Variants in RAB24 observed in about 807,000 individuals in gnomAD.
The protein encoded by RAB24 is ras-related protein Rab-24.
In RAB24, 9 loss-of-function variants were observed where a neutral mutation model predicts 31.4. The ratio of observed to expected loss-of-function variants is 0.29; its 90% confidence interval spans 0.17 to 0.50. The LOEUF (loss-of-function observed/expected upper bound fraction) is 0.50, where lower values mean the gene tolerates loss of function less well. Ranked by LOEUF, RAB24 falls within the 20% of genes least tolerant of loss-of-function variation. RAB24 has a pLI of 0.98. For synonymous variants in RAB24, 106 were observed against 94.1 expected (o/e 1.13, Z -0.73); for missense variants, 197 against 265.2 (o/e 0.74, Z 1.79).
intron 5 of RAB24, 70 bp from the exon 6 acceptor site, chr5:177,302,248 T>G: frequency 6.3e-7 from 1 of 1,588,956 alleles, no homozygotes; most frequent in Non-Finnish European, 8.6e-7. Flanking sequence ...GGGCTAGCAG[T>G]TCAGGGAGTC....
In RAB24 at chr5:177,303,153, C is replaced by T. The variant is rs368575747; in HGVS notation, c.117+19G>A. 6.2e-7 allele frequency: 1 copy of T among 1,613,326 alleles called. No homozygotes were observed. Among genetic ancestry groups the T allele is most frequent in the Non-Finnish European group, 8.5e-7 (1 of 1,179,718 alleles). On this transcript the variant is annotated intron_variant, in intron 1 of 7. Coordinates refer to ENST00000303251, the MANE Select transcript of RAB24 (RefSeq NM_001031677.4). The surrounding 1 kb of genome is among the most constrained non-coding windows in gnomAD (Gnocchi z 6.1). ...CCACTCCCCCGCCCACCGTGCCTGG[C>T]CCCTCCGGATGCACTCACGTTCTGA... is the stretch of plus-strand genomic sequence containing the variant.
Position 177,303,443 on chromosome 5 carries a change from G to A in RAB24, c.-155C>T. The A allele has an allele frequency of 1.5e-6, 1 of 686,870 alleles. No individual in the cohort carries two copies. Among genetic ancestry groups the A allele is most frequent in the Non-Finnish European group, 2.5e-6 (1 of 406,998 alleles). 42.5% of individuals were successfully genotyped at this position (686,870 alleles called of 1,614,324 possible). On this transcript the variant is annotated 5_prime_UTR_variant, in exon 1 of 8. Transcript: ENST00000303251. The surrounding 1 kb of genome is among the most constrained non-coding windows in gnomAD (Gnocchi z 6.1). ...GACAGCGCGTCGGGCTCGAGCTCTG[G>A]CCGTGGCCTTGCACTTCGGCAGCGC...
At chr5:177,302,975 G>C in intron 2 of RAB24, 34 bp downstream of exon 2, 1 of 1,608,426 alleles carries the variant, frequency 6.2e-7, no homozygotes, top group Non-Finnish European at 8.5e-7. Context: ...CCTCAGGAAT[G>C]AGTCTCCCAA....
chr5:177,301,832 C>T (rs1756547494), intron 7 of RAB24, 25 bp from the exon 8 acceptor site: 2 of 1,614,098 alleles, frequency 1.2e-6, no homozygotes, highest in East Asian at 4.5e-5. Context: ...GGTGGCAGCT[C>T]AGCACCATTC....
Position 177,301,483 on chromosome 5 carries a change from A to G in RAB24, c.*260T>C, listed in dbSNP as rs1426186380. On this transcript the variant is annotated 3_prime_UTR_variant, in exon 8 of 8. Coordinates refer to ENST00000303251, the MANE Select transcript of RAB24 (RefSeq NM_001031677.4). ...CACAGTGCACTGATTTTATTTACAG[A>G]TCAAAAGCCACTTAAATAATCTGCA... The G allele has an allele frequency of 7.4e-6, 4 of 543,600 alleles. No individual in the cohort carries two copies. Among genetic ancestry groups the G allele is most frequent in the East Asian group, 3.1e-5 (1 of 31,988 alleles). The allele number at this position is 543,600 out of a possible 1,614,324, so 33.7% of individuals were successfully genotyped here.
chr5:177,301,588 TGTCTCC>T lies in RAB24; in HGVS notation c.*149_*154del, dbSNP rs1760651361. On this transcript the variant is annotated 3_prime_UTR_variant, in exon 8 of 8. Transcript: ENST00000303251. ...CTCATGCCCACAGTCAGCCCAATGC[TGTCTCC>T]GTTCCATGGGCCAGCACAGGCAGGC... is the stretch of plus-strand genomic sequence containing the variant. The T allele has an allele frequency of 6.2e-6, 5 of 806,228 alleles. 1 individual carries two copies. Among genetic ancestry groups the T allele is most frequent in the African/African-American group, 5.2e-5 (3 of 58,152 alleles). The allele number at this position is 806,228 out of a possible 1,614,324, so 49.9% of individuals were successfully genotyped here.
chr5:177,302,483 T>C lies in RAB24; in HGVS notation c.347A>G (p.Tyr116Cys), dbSNP rs1475147714. The C allele has an allele frequency of 6.2e-7, 1 of 1,613,842 alleles. No homozygotes were observed. The highest frequency in any genetic ancestry group is 8.5e-7 in the Non-Finnish European group (1 of 1,180,028). Reference sequence around the variant, plus strand: ...CAGGTCACTCTTGGTGCCACATAAGTAGATTTGGCAGCCCTGAGGCAGAAG... The same window carrying C: ...CAGGTCACTCTTGGTGCCACATAAGCAGATTTGGCAGCCCTGAGGCAGAAG... ...LRSLEEGCQIYLCGTKSDLLE... is the reference protein window; with the variant it reads ...LRSLEEGCQICLCGTKSDLLE... Residue 116 changes from tyrosine (Y) to cysteine (C), a missense_variant, in exon 5 of 8, where the codon TAC becomes TGC. Physicochemically the swap from Tyr to Cys is radical, Grantham distance 194. Coordinates refer to ENST00000303251, the MANE Select transcript of RAB24 (RefSeq NM_001031677.4).
At position 177,303,294 on chromosome 5, in the gene RAB24, C is replaced by T; in HGVS notation, c.-6G>A. The T allele has an allele frequency of 6.2e-7, 1 of 1,613,442 alleles. No homozygotes were observed. Among genetic ancestry groups the T allele is most frequent in the Non-Finnish European group, 8.5e-7 (1 of 1,179,878 alleles). ...TCCACGCGCTGCCCGCTCATGCTCC[C>T]GGGGCCGCTTCAGCCACGTCAGGGT... On this transcript the variant is annotated 5_prime_UTR_variant, in exon 1 of 8. Transcript: ENST00000303251. The surrounding 1 kb of genome is among the most constrained non-coding windows in gnomAD (Gnocchi z 6.1).
rs540113150 is a variant in RAB24 at position 177,303,708 on chromosome 5, A to G, written c.-420T>C. On this transcript the variant is annotated 5_prime_UTR_variant, in exon 1 of 8. Coordinates refer to ENST00000303251, the MANE Select transcript of RAB24 (RefSeq NM_001031677.4). The surrounding 1 kb of genome is among the most constrained non-coding windows in gnomAD (Gnocchi z 6.1). ...CCCGCAGCGCCGCGACTCCCGCGGG[A>G]GGGGGCTAGAGGGCGAGGGGGCGGG... 331 of 355,802 alleles carry G rather than the reference A, an allele frequency of 9.3e-4. 1 individual carries two copies. The highest frequency in any genetic ancestry group is 6.7e-3 in the African/African-American group (308 of 46,252). The allele number at this position is 355,802 out of a possible 1,614,324, so 22.0% of individuals were successfully genotyped here. A position where few individuals can be genotyped will look rare whatever the true frequency, so the allele number is the denominator to read the frequency against.
At position 177,302,601 on chromosome 5, in the gene RAB24, C is replaced by A; in HGVS notation, c.309G>T (p.Val103=). The change falls in exon 4 of 8, where the codon GTG becomes GTT. Residue 103 remains valine, a synonymous_variant. Coordinates refer to ENST00000303251, the MANE Select transcript of RAB24 (RefSeq NM_001031677.4). The part of the protein sequence containing the change: ...SSSFERAKFW[V]KELRSLEEGC... ...CCTCCTCTAGGCTGCGCAGTTCCTT[C>A]ACCCAGAACTTTGCTCGCTCAAAGC... 1 of 1,614,174 alleles carries A rather than the reference C, an allele frequency of 6.2e-7. No homozygotes were observed. Among genetic ancestry groups the A allele is most frequent in the Non-Finnish European group, 8.5e-7 (1 of 1,180,032 alleles).
At position 177,303,476 on chromosome 5, in the gene RAB24, G is replaced by GC. The variant is rs1760756999; in HGVS notation, c.-189dup. 3 of 616,576 alleles carry GC rather than the reference G, an allele frequency of 4.9e-6. No individual in the cohort carries two copies. Among genetic ancestry groups the GC allele is most frequent in the Non-Finnish European group, 8.5e-6 (3 of 351,152 alleles). The allele number at this position is 616,576 out of a possible 1,614,324, so 38.2% of individuals were successfully genotyped here. A position where few individuals can be genotyped will look rare whatever the true frequency, so the allele number is the denominator to read the frequency against. ...CTTGCACTTCGGCAGCGCCCCGTGT[G>GC]CCCCCGCTGTTCGGCCCCGGGCGCC... On this transcript the variant is annotated 5_prime_UTR_variant, in exon 1 of 8. Coordinates refer to ENST00000303251, the MANE Select transcript of RAB24 (RefSeq NM_001031677.4). This position sits in a 1 kb window ranked among gnomAD's most constrained non-coding sequence, Gnocchi z 6.1.
In RAB24 at chr5:177,301,934, C is replaced by G; in HGVS notation, c.538G>C (p.Val180Leu). Residue 180 changes from valine (V) to leucine (L), a missense_variant, in exon 7 of 8, where the codon GTG (valine) becomes CTG (leucine). Physicochemically the swap from Val to Leu is conservative, Grantham distance 32. Around this residue, in one of 2 missense-constraint regions of RAB24, gnomAD observed 148 missense variants for 159.7 expected, o/e 0.93. Coordinates refer to ENST00000303251, the MANE Select transcript of RAB24 (RefSeq NM_001031677.4). ...CTGGGGAAGCACACACCTGTCATCA[C>G]CTGGAAGGCAGCCACACTGACGTAA... ...EDYVSVAAFQ[V>L]MTEDKGVDLG... The G allele has an allele frequency of 6.2e-7, 1 of 1,614,212 alleles. No homozygotes were observed. The highest frequency in any genetic ancestry group is 8.5e-7 in the Non-Finnish European group (1 of 1,180,014).
At chr5:177,302,250 C>A (rs1760701183) in intron 5 of RAB24, 72 bp from the exon 6 acceptor site, 1 of 1,587,376 alleles carries the variant, frequency 6.3e-7, no homozygotes. Context: ...GCTAGCAGTT[C>A]AGGGAGTCTC....
intron 7 of RAB24, 50 bp downstream of exon 7, chr5:177,301,875 G>T (rs772365771): frequency 5.0e-6 from 8 of 1,612,462 alleles, no homozygotes; most frequent in Admixed American, 1.7e-5. Context: ...AAAGGGGCTA[G>T]ATGCTGTGGG....
In RAB24 at chr5:177,301,442, G is replaced by C. The variant is rs1324233775; in HGVS notation, c.*301C>G. 1 of 405,354 alleles carries C rather than the reference G, an allele frequency of 2.5e-6. No individual in the cohort carries two copies. The highest frequency in any genetic ancestry group is 4.5e-6 in the Non-Finnish European group (1 of 221,036). The allele number at this position is 405,354 out of a possible 1,614,324, so 25.1% of individuals were successfully genotyped here. On this transcript the variant is annotated 3_prime_UTR_variant, in exon 8 of 8. Transcript: ENST00000303251. ...ACACCTAATCCACACAGCAGGGAAA[G>C]GGGCTGGGTGTGATGCACAGTGCAC...
chr5:177,301,739 T>A lies in RAB24; in HGVS notation c.*4A>T. On this transcript the variant is annotated 3_prime_UTR_variant, in exon 8 of 8. Coordinates refer to ENST00000303251, the MANE Select transcript of RAB24 (RefSeq NM_001031677.4). ...TAATTCCCCCAGGCCAGGTGAGTGC[T>A]GACTCAGTGATGACAACAGCTGTAG... 6.2e-7 allele frequency: 1 copy of A among 1,614,166 alleles called. No homozygotes were observed. The highest frequency in any genetic ancestry group is 2.2e-5 in the East Asian group (1 of 44,882).
At position 177,303,391 on chromosome 5, in the gene RAB24, C is replaced by G; in HGVS notation, c.-103G>C. The stretch of plus-strand genomic sequence containing the variant: ...CAGCGCCCAAGCCTCAGACCCCGAC[C>G]CCAAACGGCGCCAACCTACGACTCC... On this transcript the variant is annotated 5_prime_UTR_variant, in exon 1 of 8. Coordinates refer to ENST00000303251, the MANE Select transcript of RAB24 (RefSeq NM_001031677.4). The surrounding 1 kb of genome is among the most constrained non-coding windows in gnomAD (Gnocchi z 6.1). 3.5e-6 allele frequency: 4 copies of G among 1,159,012 alleles called. No homozygotes were observed. The highest frequency in any genetic ancestry group is 3.8e-6 in the Non-Finnish European group (3 of 796,114). The allele number at this position is 1,159,012 out of a possible 1,614,324, so 71.8% of individuals were successfully genotyped here.
At position 177,302,379 on chromosome 5, in the gene RAB24, G is replaced by T. The variant is rs199584504; in HGVS notation, c.433+18C>A. 21 of 1,612,244 alleles carry T rather than the reference G, an allele frequency of 1.3e-5. No homozygotes were observed. The African/African-American group carries it at 2.4e-4, about 18-fold the overall frequency. Reference sequence around the variant, plus strand: ...CAGCCACACACCCCCACCCCCCAAAGGGCTGAGGAGCAGCTACTGTCTGCA... The same window carrying T: ...CAGCCACACACCCCCACCCCCCAAATGGCTGAGGAGCAGCTACTGTCTGCA... On this transcript the variant is annotated intron_variant, in intron 5 of 7. Coordinates refer to ENST00000303251, the MANE Select transcript of RAB24 (RefSeq NM_001031677.4).
Position 177,302,650 on chromosome 5 carries a change from T to A in RAB24, c.266-6A>T, listed in dbSNP as rs765352576. On this transcript the variant is annotated splice_region_variant and splice_polypyrimidine_tract_variant and intron_variant, in intron 3 of 7. Coordinates refer to ENST00000303251, the MANE Select transcript of RAB24 (RefSeq NM_001031677.4). ...GCTGCTGCTGTCTGTGAGGTCTTGG[T>A]GTGCGGCATGCAGGAGACAACCAAG... 14 of 1,614,054 alleles carry A rather than the reference T, an allele frequency of 8.7e-6. No homozygotes were observed. The highest frequency in any genetic ancestry group is 1.1e-5 in the Non-Finnish European group (13 of 1,179,996).
Sources: gnomAD v4.1 joint callset for allele counts on GRCh38, gnomAD v4.1.1 for gene constraint, gnomAD v4.1.1 regional missense constraint, Gnocchi (gnomAD v3.1) non-coding constraint, MANE v1.5 for transcripts, NCBI Gene and HGNC (gene_info 2026-07-23, HGNC 2026-07-21) for gene names.